Variants in ASAH2 observed in about 807,000 individuals in gnomAD.
The protein encoded by ASAH2 is neutral ceramidase.
ASAH2 carries 58 observed loss-of-function variants against 82.9 expected under a neutral mutation model. The observed-to-expected ratio is 0.70, with a 90% CI of 0.57 to 0.87. The LOEUF is 0.87. Ranked by LOEUF, ASAH2 falls within the 40% of genes least tolerant of loss-of-function variation. The pLI is 0.00. For synonymous variants in ASAH2, 276 were observed against 289.7 expected (o/e 0.95, Z 0.48); for missense variants, 779 against 834.0 (o/e 0.93, Z 0.81).
intron 15 of ASAH2, 133 bp downstream of exon 15, chr10:50,203,507 C>G (rs2133201250): frequency 1.2e-6 from 1 of 844,630 alleles, no homozygotes; most frequent in East Asian, 2.4e-5. Context: ...CTTATACTAC[C>G]AATATTTCAT....
intron 12 of ASAH2, among the ~76,000 whole-genome samples, chr10:50,207,239 A>G (rs1409703941): frequency 1.3e-5 from 2 of 151,890 alleles, no homozygotes. Context: ...AAAAATCTCA[A>G]ACCAATAACC....
At chr10:50,233,092 G>C (rs1589349944) in intron 7 of ASAH2, 92 bp downstream of exon 7, 1 of 990,888 alleles carries the variant, frequency 1.0e-6, no homozygotes, top group East Asian at 2.4e-5. Context: ...CTTATTCTCA[G>C]TGTGTGCTGG....
At chr10:50,225,508 T>C (rs922556805) in intron 7 of ASAH2, among the ~76,000 whole-genome samples, 33 of 152,328 alleles carry the variant, frequency 2.2e-4, no homozygotes, top group Non-Finnish European at 4.6e-4. Flanking sequence ...ATTGTTTTTT[T>C]ATTTGAGCCA....
chr10:50,188,977 G>A (rs75320537), intron 20 of ASAH2, among the ~76,000 whole-genome samples: 18,306 of 136,248 alleles, frequency 0.13, 2,494 homozygotes, highest in African/African-American at 0.27. Context: ...ATGTCTCTCC[G>A]GAGAAATTGC....
chr10:50,233,234 C>A lies in ASAH2; in HGVS notation c.843G>T (p.Met281Ile). The A allele has an allele frequency of 8.1e-6, 13 of 1,611,866 alleles. No individual in the cohort carries two copies. The highest frequency in any genetic ancestry group is 3.3e-5 in the South Asian group (3 of 91,042). ...ARYSSNTDKE[M>I]IVLKMVDLNG... ...TCAAATCTACCATTTTCAAAACTATCATTTCCTTGTCTGTATTTGAAGAAT... is the reference window on the plus strand; with the variant it reads ...TCAAATCTACCATTTTCAAAACTATAATTTCCTTGTCTGTATTTGAAGAAT... The change falls in exon 7 of 21, where the codon ATG (methionine) becomes ATT (isoleucine). Residue 281 changes from methionine (M) to isoleucine (I), a missense_variant. Physicochemically the swap from Met to Ile is conservative, Grantham distance 10. Around this residue, in one of 3 missense-constraint regions of ASAH2, gnomAD observed 759 missense variants for 755.2 expected, o/e 1.00. Transcript: ENST00000682911.
chr10:50,233,402 G>T (rs1589350204), intron 6 of ASAH2, 141 bp from the exon 7 acceptor site: 1 of 674,940 alleles, frequency 1.5e-6, no homozygotes, highest in Non-Finnish European at 2.7e-6. Context: ...TCTGTGAACT[G>T]TATCCAGTAC....
chr10:50,197,259 T>C (rs1199724881), intron 17 of ASAH2, among the ~76,000 whole-genome samples: 3,436 of 151,914 alleles, frequency 0.023, 21 homozygotes, highest in African/African-American at 0.077. Flanking sequence ...AAGGTAATTA[T>C]ACCATGACAG....
At chr10:50,250,402 C>T (rs1846584149) in intron 1 of ASAH2, among the ~76,000 whole-genome samples, 1 of 152,162 alleles carries the variant, frequency 6.6e-6, no homozygotes. Flanking sequence ...TTATCACCAC[C>T]ATAATGCCCT....
rs1028950336 is a variant in ASAH2, at chr10:50,237,451, C to T, written c.511-1387G>A. Among the ~76,000 whole-genome samples, 364 of 152,314 alleles carry T rather than the reference C, an allele frequency of 2.4e-3. 2 individuals carry two copies. Among genetic ancestry groups the T allele is most frequent in the Non-Finnish European group, 4.5e-3 (307 of 68,026 alleles). On this transcript the variant is annotated intron_variant, in intron 4 of 20. Coordinates refer to ENST00000682911, the MANE Select transcript of ASAH2 (RefSeq NM_019893.4). ...ATGACACAGAAGTGATTACATATGACTTGTTCTAAAACAAGTCAGAATCGT... is the reference window on the plus strand; with the variant it reads ...ATGACACAGAAGTGATTACATATGATTTGTTCTAAAACAAGTCAGAATCGT...
chr10:50,230,678 C>T (rs1448674575), intron 7 of ASAH2, among the ~76,000 whole-genome samples: 1 of 152,020 alleles, frequency 6.6e-6, no homozygotes, highest in Non-Finnish European at 1.5e-5. Context: ...GATACAATTG[C>T]ATGTATGGAA....
intron 9 of ASAH2, 133 bp downstream of exon 9, chr10:50,214,609 GA>G: frequency 9.2e-7 from 1 of 1,089,566 alleles, no homozygotes; most frequent in Non-Finnish European, 1.4e-6. Context: ...GTGCTTTTGA[GA>G]AGAGCAGATG....
chr10:50,215,708 T>C (rs963436673), intron 8 of ASAH2, among the ~76,000 whole-genome samples: 2 of 152,174 alleles, frequency 1.3e-5, no homozygotes, highest in Non-Finnish European at 2.9e-5. Flanking sequence ...TGTACCCTTG[T>C]AGTATAGTTT....
chr10:50,244,960 C>T (rs1365933174), intron 3 of ASAH2, among the ~76,000 whole-genome samples: 1 of 151,802 alleles, frequency 6.6e-6, no homozygotes, highest in African/African-American at 2.4e-5. Flanking sequence ...CTGCTCACCC[C>T]CTGTAGTATT....
At chr10:50,232,082 C>T (rs1388728934) in intron 7 of ASAH2, among the ~76,000 whole-genome samples, 1 of 152,094 alleles carries the variant, frequency 6.6e-6, no homozygotes, top group Non-Finnish European at 1.5e-5. Context: ...TACCTCAAGA[C>T]CTGAACTTTT....
At chr10:50,208,397 T>A (rs1845361913) in intron 12 of ASAH2, among the ~76,000 whole-genome samples, 1 of 152,020 alleles carries the variant, frequency 6.6e-6, no homozygotes, top group East Asian at 1.9e-4. Context: ...CATGATCTTG[T>A]ATAGAGAAAA....
chr10:50,231,890 A>C (rs992849417), intron 7 of ASAH2, among the ~76,000 whole-genome samples: 1 of 152,132 alleles, frequency 6.6e-6, no homozygotes. Flanking sequence ...GCTTTTTTCT[A>C]TGTCAGGCAC....
Position 50,248,465 on chromosome 10 carries a change from G to A in ASAH2, c.127+19C>T. 6.2e-7 allele frequency: 1 copy of A among 1,610,306 alleles called. No homozygotes were observed. The highest frequency in any genetic ancestry group is 8.5e-7 in the Non-Finnish European group (1 of 1,178,894). On this transcript the variant is annotated intron_variant, in intron 2 of 20. Coordinates refer to ENST00000682911, the MANE Select transcript of ASAH2 (RefSeq NM_019893.4). ...ATACAGGCCTAAAAATTGCATCTAA[G>A]AGAGCCCATGACACTTGCCTTTGTG...
In ASAH2 at chr10:50,245,392, C is replaced by A. The variant is rs146246912; in HGVS notation, c.190G>T (p.Ala64Ser). The A allele has an allele frequency of 1.2e-6, 2 of 1,613,290 alleles. No individual in the cohort carries two copies. Among genetic ancestry groups the A allele is most frequent in the Non-Finnish European group, 1.7e-6 (2 of 1,179,802 alleles). The change falls in exon 3 of 21, where the codon GCC becomes TCC. Residue 64 changes from alanine to serine, a missense_variant. Coordinates refer to ENST00000682911, the MANE Select transcript of ASAH2 (RefSeq NM_019893.4). ...SPPATQGSTA[A>S]QRSTATQHST... The stretch of plus-strand genomic sequence containing the variant: ...TGCTGGGTGGCTGTGGAGCGTTGGG[C>A]AGCTGTGGAGCCCTGGGTGGCTGGA...
At chr10:50,249,741 A>C (rs764684521) in intron 1 of ASAH2, among the ~76,000 whole-genome samples, 59 of 152,190 alleles carry the variant, frequency 3.9e-4, no homozygotes, top group Non-Finnish European at 7.1e-4. Context: ...AGTAGCAAAG[A>C]GTCTGTGCTC....
Sources: allele counts gnomAD v4.1 joint callset (sites outside exome capture counted in the v4.1 genomes callset), GRCh38; gene constraint gnomAD v4.1.1; regional missense constraint gnomAD v4.1.1; transcripts MANE v1.5; gene names NCBI Gene and HGNC (gene_info 2026-07-23, HGNC 2026-07-21).